COX16: variants seen among roughly 807,000 people sequenced by gnomAD.
The protein encoded by COX16 is cytochrome c oxidase assembly protein COX16 homolog, mitochondrial.
A neutral mutation model predicts 15.4 loss-of-function variants in COX16; 12 were observed. The ratio of observed to expected loss-of-function variants is 0.78; its 90% CI spans 0.50 to 1.26. The LOEUF (loss-of-function observed/expected upper bound fraction) is 1.26. Ranked by LOEUF, COX16 falls within the 50% of genes most tolerant of loss-of-function variation. COX16 has a pLI of 0.00. For missense variants in COX16, 124 were observed against 127.6 expected, an observed-to-expected ratio of 0.97 and a Z score of 0.14; for synonymous variants, 46 against 41.1, an observed-to-expected ratio of 1.12 and a Z score of -0.46.
chr14:70,358,371 ATTT>A (rs34871293), intron 1 of COX16, among the ~76,000 whole-genome samples: 4 of 94,070 alleles, frequency 4.3e-5, no homozygotes, highest in African/African-American at 1.7e-4. Context: ...AAAAACAACA[ATTT>A]TTTTTTTTTT....
In COX16 at chr14:70,359,632, C is replaced by T. The variant is rs1375315338; in HGVS notation, c.-45G>A. On this transcript the variant is annotated 5_prime_UTR_variant, in exon 1 of 4. Transcript: ENST00000389912. ...CTCAGAACTCCAAGCGGGCCTAGCG[C>T]AGACTCCCAAATCTCAGCAGCTCAC... 6.4e-7 allele frequency: 1 copy of T among 1,567,642 alleles called. No individual in the cohort carries two copies. Among genetic ancestry groups the T allele is most frequent in the East Asian group, 2.2e-5 (1 of 44,598 alleles).
At chr14:70,334,528 A>T (rs879648895) in intron 2 of COX16, among the ~76,000 whole-genome samples, 2 of 152,170 alleles carry the variant, frequency 1.3e-5, no homozygotes, top group Non-Finnish European at 2.9e-5. Flanking sequence ...AAAATAAATA[A>T]ATTGTAACAT....
At chr14:70,336,434 GATA>G (rs774353799) in intron 2 of COX16, among the ~76,000 whole-genome samples, 5 of 152,054 alleles carry the variant, frequency 3.3e-5, no homozygotes, top group Non-Finnish European at 7.4e-5. Flanking sequence ...TTCAGTTTAT[GATA>G]ATTTATTAAA....
intron 2 of COX16, among the ~76,000 whole-genome samples, chr14:70,334,327 A>T (rs1053510530): frequency 1.1e-4 from 17 of 152,138 alleles, no homozygotes; most frequent in Non-Finnish European, 2.4e-4. Flanking sequence ...GTTCAAGACC[A>T]GCCTGGTCAA....
intron 2 of COX16, among the ~76,000 whole-genome samples, chr14:70,332,619 C>T (rs1278151438): frequency 6.6e-6 from 1 of 152,232 alleles, no homozygotes; most frequent in African/African-American, 2.4e-5. Flanking sequence ...CTCTCTTCTA[C>T]AGTAGATCCC....
At chr14:70,358,382 T>TTC (rs1566608593) in intron 1 of COX16, among the ~76,000 whole-genome samples, 1 of 146,410 alleles carries the variant, frequency 6.8e-6, no homozygotes, top group East Asian at 1.9e-4. Flanking sequence ...TTTTTTTTTT[T>TTC]TTTTTTTTTT....
chr14:70,357,662 C>T (rs1210012637), intron 1 of COX16, among the ~76,000 whole-genome samples: 1 of 152,142 alleles, frequency 6.6e-6, no homozygotes, highest in African/African-American at 2.4e-5. Context: ...CATAATAAGT[C>T]GTTAGGGAAA....
At chr14:70,355,313 T>C (rs558885995) in intron 1 of COX16, among the ~76,000 whole-genome samples, 29 of 152,318 alleles carry the variant, frequency 1.9e-4, no homozygotes, top group African/African-American at 7.0e-4. Context: ...GGTTTTTCTT[T>C]TGCCACAGAG....
At chr14:70,348,705 C>T (rs1350363382) in intron 1 of COX16, among the ~76,000 whole-genome samples, 3 of 152,160 alleles carry the variant, frequency 2.0e-5, no homozygotes, top group South Asian at 2.1e-4. Flanking sequence ...TCTCATTATG[C>T]GTTCCATATA....
intron 1 of COX16, among the ~76,000 whole-genome samples, chr14:70,357,152 G>A (rs1468033152): frequency 2.8e-5 from 2 of 71,516 alleles, no homozygotes; most frequent in South Asian, 5.6e-4. Context: ...CCTAGGAAGC[G>A]TTTGTCAAAA....
Position 70,326,044 on chromosome 14 carries a change from T to C in COX16, c.*289A>G, listed in dbSNP as rs529591450. ...ATTGCAAAAGGAATATGTGGGTAGT[T>C]GGAGAGTGGAATACGTGACTCTGTT... is the stretch of plus-strand genomic sequence containing the variant. On this transcript the variant is annotated 3_prime_UTR_variant, in exon 4 of 4. Transcript: ENST00000389912. 3 of 175,210 alleles carry C rather than the reference T, an allele frequency of 1.7e-5. No homozygotes were observed. In the South Asian group the frequency reaches 5.7e-4, roughly 33 times the overall value. The allele number at this position is 175,210 out of a possible 1,614,324, so 10.9% of individuals were successfully genotyped here.
At chr14:70,328,256 G>A (rs1325458159) in intron 3 of COX16, 5 of 35,060 alleles carry the variant, frequency 1.4e-4, no homozygotes, top group Non-Finnish European at 5.5e-5. Flanking sequence ...GCCAAGGAAA[G>A]ATAGCTAGCC....
chr14:70,349,810 G>A (rs1202370894), intron 1 of COX16, among the ~76,000 whole-genome samples: 1 of 152,096 alleles, frequency 6.6e-6, no homozygotes, highest in Non-Finnish European at 1.5e-5. Flanking sequence ...CCTTAATCCA[G>A]ACAGGGTCTT....
Position 70,359,524 on chromosome 14 carries a change from T to C in COX16, c.64A>G (p.Met22Val), listed in dbSNP as rs776029151. 2.2e-5 allele frequency: 36 copies of C among 1,613,664 alleles called. No homozygotes were observed. In the Middle Eastern group the frequency reaches 4.9e-4, roughly 22 times the overall value. ...ATCCTCCTCACTCCACTCACCAACA[T>C]GGGGACTCCATAGCCGAGAGTCTTG... is the stretch of plus-strand genomic sequence containing the variant. ...KNKTLGYGVP[M>V]LLLIVGGSFG... The change falls in exon 1 of 4, where the codon ATG (methionine) becomes GTG (valine). Residue 22 changes from methionine to valine, a missense_variant. Transcript: ENST00000389912.
intron 1 of COX16, among the ~76,000 whole-genome samples, chr14:70,348,601 TC>T (rs1472238540): frequency 6.6e-6 from 1 of 151,740 alleles, no homozygotes; most frequent in Non-Finnish European, 1.5e-5. Flanking sequence ...GCCAATCCGC[TC>T]CCCCAGGCAC....
intron 1 of COX16, among the ~76,000 whole-genome samples, chr14:70,343,637 TAAAG>T (rs1886688212): frequency 6.6e-6 from 1 of 152,214 alleles, no homozygotes; most frequent in Non-Finnish European, 1.5e-5. Context: ...AGGTCACAGG[TAAAG>T]AAAGTCTTCA....
chr14:70,344,685 G>A (rs182560320), intron 1 of COX16, among the ~76,000 whole-genome samples: 1 of 152,234 alleles, frequency 6.6e-6, no homozygotes, highest in African/African-American at 2.4e-5. Flanking sequence ...AAAGCTTAAG[G>A]AGATGAACAA....
intron 2 of COX16, among the ~76,000 whole-genome samples, chr14:70,337,554 TATTTA>T (rs1566599843): frequency 6.6e-6 from 1 of 152,032 alleles, no homozygotes; most frequent in Non-Finnish European, 1.5e-5. Context: ...TAATGTCTAG[TATTTA>T]ATTTAAAAAT....
intron 1 of COX16, among the ~76,000 whole-genome samples, chr14:70,357,305 T>C (rs1332225359): frequency 2.6e-5 from 4 of 151,900 alleles, no homozygotes; most frequent in African/African-American, 9.7e-5. Context: ...TAGAAAGTCA[T>C]GCAAATAACT....
Sources: gnomAD v4.1 joint callset for allele counts (sites outside exome capture counted in the v4.1 genomes callset) on GRCh38, gnomAD v4.1.1 for gene constraint, MANE v1.5 for transcripts, NCBI Gene and HGNC (gene_info 2026-07-23, HGNC 2026-07-21) for gene names.